Variants in ZMYND8 observed in about 807,000 individuals in gnomAD.
The protein encoded by ZMYND8 is MYND-type zinc finger-containing chromatin reader ZMYND8.
ZMYND8 carries 37 observed loss-of-function variants against 140.8 expected under a neutral mutation model. The observed-to-expected ratio is 0.26, with a 90% CI of 0.20 to 0.35. ZMYND8 has a LOEUF of 0.35. Ranked by LOEUF, ZMYND8 falls within the 10% of genes least tolerant of loss-of-function variation. The probability of loss-of-function intolerance (pLI) is 1.00; values close to 1 mark genes in which losing one functional copy is unlikely to be tolerated. For missense variants in ZMYND8, 1,068 were observed against 1,570.0 expected (o/e 0.68, Z 5.40); for synonymous variants, 592 against 597.1 (o/e 0.99, Z 0.12).
rs147154378 is a variant in ZMYND8 at position 47,270,589 on chromosome 20, G to A, written c.1480+5725C>T. On this transcript the variant is annotated intron_variant, in intron 11 of 22. Transcript: ENST00000471951. ...TACATAAAAGTTGATAGCTGGGTGT[G>A]GTGGTATGTGCCTGTAGCCCCAGCT... Among the ~76,000 whole-genome samples the A allele has an allele frequency of 5.7e-3, 864 of 150,616 alleles. 7 individuals are homozygous for A. Among genetic ancestry groups the A allele is most frequent in the South Asian group, 0.045 (212 of 4,752 alleles).
Position 47,262,322 on chromosome 20 carries a change from G to C in ZMYND8, c.1587C>G (p.Thr529=). The change falls in exon 12 of 23, where the codon ACC becomes ACG. Residue 529 remains threonine, a synonymous_variant. Transcript: ENST00000471951. ...SAPITTKTDK[T]STTGSILNLN... is the part of the protein sequence containing the mutation. ...GATTCAGGATGCTGCCGGTGGTGGA[G>C]GTTTTGTCCGTTTTCGTCGTGATAG... is the stretch of plus-strand genomic sequence containing the variant. 6.2e-7 allele frequency: 1 copy of C among 1,614,060 alleles called. No individual in the cohort carries two copies. Among genetic ancestry groups the C allele is most frequent in the Non-Finnish European group, 8.5e-7 (1 of 1,180,026 alleles).
Position 47,246,274 on chromosome 20 carries a change from G to A in ZMYND8, c.2018C>T (p.Pro673Leu), listed in dbSNP as rs774783194. ...EIKEELKSTS[P>L]ASEKADPGAV... Reference sequence around the variant, plus strand: ...TCCAGGGTCTGCCTTCTCGCTGGCTGGTGACGTGCTTTTCAGCTCCTCTTT... The same window carrying A: ...TCCAGGGTCTGCCTTCTCGCTGGCTAGTGACGTGCTTTTCAGCTCCTCTTT... Residue 673 changes from proline (P) to leucine (L), a missense_variant, in exon 14 of 23, where the codon CCA becomes CTA. By Grantham distance (98) the Pro-to-Leu change is moderately conservative. This residue lies in a region of ZMYND8 where 383 missense variants were observed against 431.2 expected (regional missense o/e 0.89). Coordinates refer to ENST00000471951, the MANE Select transcript of ZMYND8 (RefSeq NM_001281775.3). 1 of 1,614,158 alleles carries A rather than the reference G, an allele frequency of 6.2e-7. No homozygotes were observed. The highest frequency in any genetic ancestry group is 8.5e-7 in the Non-Finnish European group (1 of 1,180,032).
At chr20:47,217,413 AAT>A (rs1165940414) in intron 21 of ZMYND8, among the ~76,000 whole-genome samples, 2 of 152,316 alleles carry the variant, frequency 1.3e-5, no homozygotes, top group East Asian at 3.9e-4. Flanking sequence ...AGAATCAAGA[AAT>A]ATGAGAGATG....
chr20:47,252,237 G>A (rs1305153465), intron 12 of ZMYND8, among the ~76,000 whole-genome samples: 1 of 146,524 alleles, frequency 6.8e-6, no homozygotes. Flanking sequence ...AGGTTGCAGT[G>A]AGCGAGATCG....
intron 21 of ZMYND8, among the ~76,000 whole-genome samples, chr20:47,214,189 G>C (rs1247867633): frequency 2.0e-5 from 3 of 152,242 alleles, no homozygotes; most frequent in Non-Finnish European, 4.4e-5. Context: ...GCTGGCAGAA[G>C]TAAAGTGACA....
chr20:47,240,317 G>A (rs1353383067), intron 14 of ZMYND8, among the ~76,000 whole-genome samples: 1 of 151,812 alleles, frequency 6.6e-6, no homozygotes, highest in Non-Finnish European at 1.5e-5. Flanking sequence ...GAGTTCAAGA[G>A]CAGCCTGGCC....
Position 47,210,914 on chromosome 20 carries a change from A to C in ZMYND8, c.3569-17T>G. 1.2e-6 allele frequency: 2 copies of C among 1,612,330 alleles called. No homozygotes were observed. Among genetic ancestry groups the C allele is most frequent in the Non-Finnish European group, 1.7e-6 (2 of 1,178,504 alleles). ...GGGAATGGTCTGAGGGGGAAAACCAATGTGTTTAGCGTGCCTGCCCACCTG... is the reference window on the plus strand; with the variant it reads ...GGGAATGGTCTGAGGGGGAAAACCACTGTGTTTAGCGTGCCTGCCCACCTG... On this transcript the variant is annotated splice_polypyrimidine_tract_variant and intron_variant, in intron 22 of 22. Coordinates refer to ENST00000471951, the MANE Select transcript of ZMYND8 (RefSeq NM_001281775.3).
chr20:47,259,679 T>A (rs1190752361), intron 12 of ZMYND8, among the ~76,000 whole-genome samples: 8 of 152,120 alleles, frequency 5.3e-5, no homozygotes, highest in African/African-American at 1.9e-4. Flanking sequence ...GAACTCCACA[T>A]CCTCAATGTC....
chr20:47,254,775 G>C (rs546987835), intron 12 of ZMYND8, among the ~76,000 whole-genome samples: 9 of 152,242 alleles, frequency 5.9e-5, no homozygotes, highest in African/African-American at 1.9e-4. Context: ...ATGTTCAGCA[G>C]CACCCTGGCC....
intron 11 of ZMYND8, among the ~76,000 whole-genome samples, chr20:47,271,695 G>A (rs988092292): frequency 1.3e-5 from 2 of 151,996 alleles, no homozygotes; most frequent in African/African-American, 2.4e-5. Flanking sequence ...TTGACTGATC[G>A]ATTGAGATGG....
intron 14 of ZMYND8, among the ~76,000 whole-genome samples, chr20:47,241,344 A>G (rs1293914806): frequency 6.6e-6 from 1 of 151,940 alleles, no homozygotes; most frequent in Non-Finnish European, 1.5e-5. Context: ...GTCAAAAATT[A>G]TACAAGCAGG....
chr20:47,353,088 G>A (rs2082927922), intron 1 of ZMYND8: 1 of 152,236 alleles, frequency 6.6e-6, no homozygotes, highest in Non-Finnish European at 1.5e-5. Flanking sequence ...GAAGGGGAAA[G>A]AGGGCAAAAG....
chr20:47,226,100 G>A (rs2037673870), intron 18 of ZMYND8, among the ~76,000 whole-genome samples: 1 of 149,714 alleles, frequency 6.7e-6, no homozygotes, highest in Non-Finnish European at 1.5e-5. Context: ...GCAGTCAGCT[G>A]AGATTACATC....
chr20:47,312,511 C>T (rs2079014226), intron 2 of ZMYND8, among the ~76,000 whole-genome samples: 1 of 152,126 alleles, frequency 6.6e-6, no homozygotes, highest in Non-Finnish European at 1.5e-5. Context: ...AAAAGGGCGG[C>T]CCAGAGAGCC....
intron 14 of ZMYND8, among the ~76,000 whole-genome samples, chr20:47,240,779 C>A (rs2039866923): frequency 6.6e-6 from 1 of 151,272 alleles, no homozygotes; most frequent in Admixed American, 6.6e-5. Flanking sequence ...TGGTCTTGAA[C>A]TCCTGACCTC....
chr20:47,322,902 A>C (rs917024613), intron 2 of ZMYND8, among the ~76,000 whole-genome samples: 1 of 152,132 alleles, frequency 6.6e-6, no homozygotes, highest in Non-Finnish European at 1.5e-5. Flanking sequence ...TCCATCACAA[A>C]GGGCATGCTT....
At chr20:47,344,664 T>C (rs2082189537) in intron 2 of ZMYND8, among the ~76,000 whole-genome samples, 1 of 152,196 alleles carries the variant, frequency 6.6e-6, no homozygotes, top group Non-Finnish European at 1.5e-5. Flanking sequence ...TGATGCATTA[T>C]TTGTAACAAT....
At chr20:47,240,792 G>C (rs1264030108) in intron 14 of ZMYND8, among the ~76,000 whole-genome samples, 5 of 151,334 alleles carry the variant, frequency 3.3e-5, no homozygotes, top group African/African-American at 1.2e-4. Flanking sequence ...CTGACCTCAT[G>C]ATCCATCCGC....
At chr20:47,309,185 G>A (rs2078725754) in intron 3 of ZMYND8, among the ~76,000 whole-genome samples, 1 of 152,160 alleles carries the variant, frequency 6.6e-6, no homozygotes, top group Non-Finnish European at 1.5e-5. Context: ...TAGCTGACTG[G>A]TGCTAGCTGC....
Sources: allele counts gnomAD v4.1 joint callset (sites outside exome capture counted in the v4.1 genomes callset), GRCh38; gene constraint gnomAD v4.1.1; regional missense constraint gnomAD v4.1.1; transcripts MANE v1.5; gene names NCBI Gene and HGNC (gene_info 2026-07-23, HGNC 2026-07-21).